The following RIPK1 variants were observed in gnomAD, a reference collection of about 807,000 sequenced individuals.
The protein encoded by RIPK1 is receptor interacting serine/threonine kinase 1, also known as receptor-interacting serine/threonine-protein kinase 1.
In RIPK1, 27 loss-of-function variants were observed where a neutral mutation model predicts 62.4. That is an observed-to-expected ratio of 0.43 (90% confidence interval 0.32 to 0.60). RIPK1 has a LOEUF of 0.60. RIPK1 is among the 20% of genes least tolerant of loss of function. The pLI is 0.07. For missense variants in RIPK1, 735 were observed against 831.0 expected (o/e 0.88, Z 1.42); for synonymous variants, 287 against 303.2 (o/e 0.95, Z 0.55).
chr6:3,078,001 C>G (rs1269477210), intron 3 of RIPK1, 66 bp downstream of exon 3: 8 of 1,516,806 alleles, frequency 5.3e-6, no homozygotes. Context: ...TATGGCTCCC[C>G]TTGGGGTGTT....
chr6:3,066,076 C>T (rs1758366039), upstream of RIPK1, among the ~76,000 whole-genome samples: 3 of 152,242 alleles, frequency 2.0e-5, no homozygotes, highest in South Asian at 6.2e-4. Flanking sequence ...CTCTGTCACC[C>T]AGGCTGGAGC....
intron 7 of RIPK1, among the ~76,000 whole-genome samples, chr6:3,090,524 G>A (rs1025080814): frequency 1.1e-4 from 17 of 152,170 alleles, no homozygotes; most frequent in South Asian, 6.2e-4. Context: ...AAGTATAACC[G>A]CTTTAAATGT....
At chr6:3,071,982 A>G (rs1758735325) in intron 1 of RIPK1, among the ~76,000 whole-genome samples, 3 of 152,206 alleles carry the variant, frequency 2.0e-5, no homozygotes, top group Non-Finnish European at 4.4e-5. Flanking sequence ...ACTGTCTGTG[A>G]CCTTTTTTAA....
Position 3,106,055 on chromosome 6 carries a change from A to G in RIPK1, c.1576+4A>G. On this transcript the variant is annotated splice_donor_region_variant and intron_variant, in intron 9 of 10. Transcript: ENST00000259808. ...TTCAGCTCCTTGCCACCAACAGGTA[A>G]ATGGGTCTTCGATAGTCACAAGCTT... 6.3e-7 allele frequency: 1 copy of G among 1,586,056 alleles called. No homozygotes were observed. The highest frequency in any genetic ancestry group is 8.6e-7 in the Non-Finnish European group (1 of 1,160,174).
intron 5 of RIPK1, among the ~76,000 whole-genome samples, chr6:3,084,575 G>A (rs1007011102): frequency 6.9e-6 from 1 of 145,352 alleles, no homozygotes; most frequent in Non-Finnish European, 1.5e-5. Context: ...TGTGCTACTG[G>A]AACCCCTTGT....
At chr6:3,108,662 TATC>T (rs1043239302) in intron 9 of RIPK1, among the ~76,000 whole-genome samples, 12 of 152,154 alleles carry the variant, frequency 7.9e-5, no homozygotes, top group African/African-American at 2.9e-4. Flanking sequence ...GCACTGTTAT[TATC>T]ATTGTCAGCA....
At chr6:3,074,136 C>T (rs1581381010) in intron 1 of RIPK1, among the ~76,000 whole-genome samples, 1 of 152,302 alleles carries the variant, frequency 6.6e-6, no homozygotes. Flanking sequence ...GCAACCCTAG[C>T]CCCCGTTGAT....
intron 5 of RIPK1, among the ~76,000 whole-genome samples, chr6:3,084,817 C>T (rs1759603998): frequency 6.6e-6 from 1 of 152,094 alleles, no homozygotes; most frequent in African/African-American, 2.4e-5. Flanking sequence ...TGGTCTTGAT[C>T]TCTTGACGTC....
intron 1 of RIPK1, among the ~76,000 whole-genome samples, chr6:3,073,477 G>C (rs76009572): frequency 0.054 from 8,251 of 152,146 alleles, 366 homozygotes; most frequent in Non-Finnish European, 0.078. Context: ...TGCTCTCGGA[G>C]CTATGGCTCC....
intron 6 of RIPK1, among the ~76,000 whole-genome samples, chr6:3,087,445 T>G (rs763428757): frequency 1.4e-4 from 22 of 152,148 alleles, no homozygotes; most frequent in Non-Finnish European, 2.9e-4. Flanking sequence ...TTGTTTGTTT[T>G]TTTCAGTTAA....
intron 10 of RIPK1, among the ~76,000 whole-genome samples, chr6:3,112,531 CTTTT>C (rs1761214189): frequency 6.6e-6 from 1 of 152,072 alleles, no homozygotes; most frequent in South Asian, 2.1e-4. Context: ...ATGCCTTATT[CTTTT>C]TTGTTTTGTT....
Position 3,089,658 on chromosome 6 carries a change from G to A in RIPK1, c.915+1G>A, listed in dbSNP as rs1759919516. 1 of 1,533,456 alleles carries A rather than the reference G, an allele frequency of 6.5e-7. No individual in the cohort carries two copies. The highest frequency in any genetic ancestry group is 9.0e-7 in the Non-Finnish European group (1 of 1,114,614). 95.0% of individuals were successfully genotyped at this position (1,533,456 alleles called of 1,614,324 possible). On this transcript the variant is annotated splice_donor_variant, in intron 7 of 10. Coordinates refer to ENST00000259808, the MANE Select transcript of RIPK1 (RefSeq NM_001354930.2). LOFTEE classifies it high-confidence loss of function. The stretch of plus-strand genomic sequence containing the variant: ...AGAAGAGGACGTGAAGAGTTTAAAG[G>A]TAGGCAATATAGCAGATGCTCAAAA...
chr6:3,110,620 T>TA (rs1448672720), intron 9 of RIPK1, among the ~76,000 whole-genome samples, 183 bp from the exon 10 acceptor site: 1 of 152,028 alleles, frequency 6.6e-6, no homozygotes, highest in African/African-American at 2.4e-5. Context: ...TTTTTTTTTT[T>TA]AATCATAGGC....
At chr6:3,078,544 T>A (rs917227810) in intron 3 of RIPK1, among the ~76,000 whole-genome samples, 1 of 152,218 alleles carries the variant, frequency 6.6e-6, no homozygotes, top group African/African-American at 2.4e-5. Flanking sequence ...CCTGTCTTCA[T>A]GATGCAGACA....
intron 7 of RIPK1, among the ~76,000 whole-genome samples, chr6:3,094,955 G>A (rs942251656): frequency 2.6e-5 from 4 of 152,084 alleles, no homozygotes; most frequent in African/African-American, 9.7e-5. Flanking sequence ...GTCCCATGAA[G>A]GCTGAGATGG....
At chr6:3,085,854 G>T (rs1581401109) in intron 6 of RIPK1, among the ~76,000 whole-genome samples, 1 of 152,150 alleles carries the variant, frequency 6.6e-6, no homozygotes, top group African/African-American at 2.4e-5. Context: ...TTGTCCTTTT[G>T]TGTCTGGCTT....
chr6:3,065,688 A>G (rs1470916917), upstream of RIPK1, among the ~76,000 whole-genome samples: 1 of 152,184 alleles, frequency 6.6e-6, no homozygotes, highest in Non-Finnish European at 1.5e-5. Flanking sequence ...CTACCCCCTC[A>G]TATTCACACT....
intron 6 of RIPK1, chr6:3,088,907 C>G (rs184314307): frequency 6.6e-6 from 1 of 152,002 alleles, no homozygotes; most frequent in East Asian, 1.9e-4. Context: ...ATCTGTGGCT[C>G]TTGATGGTTT....
At chr6:3,067,452 G>GT (rs986667799), upstream of RIPK1, among the ~76,000 whole-genome samples, 1 of 152,080 alleles carries the variant, frequency 6.6e-6, no homozygotes, top group African/African-American at 2.4e-5. Flanking sequence ...ATGTGTAATA[G>GT]TATTTGTTTT....
Sources: gnomAD v4.1 joint callset for allele counts (sites outside exome capture counted in the v4.1 genomes callset) on GRCh38, gnomAD v4.1.1 for gene constraint, MANE v1.5 for transcripts, NCBI Gene and HGNC (gene_info 2026-07-23, HGNC 2026-07-21) for gene names.